The following SCYL2 variants were observed in gnomAD, a reference collection of about 807,000 sequenced individuals.
The protein encoded by SCYL2 is SCY1-like protein 2.
In SCYL2, 36 loss-of-function variants were observed where a neutral mutation model predicts 100.4. That is an observed-to-expected ratio of 0.36 (90% CI 0.27 to 0.47). SCYL2 has a LOEUF of 0.47. Among genes scored for constraint, SCYL2 ranks in the 20% least tolerant of loss-of-function variants. The pLI, the probability that SCYL2 is intolerant of heterozygous loss-of-function variation, is 1.00. For synonymous variants in SCYL2, 330 were observed against 359.2 expected (o/e 0.92, Z 0.92); for missense variants, 902 against 1,083.9 (o/e 0.83, Z 2.36).
At chr12:100,280,998 T>C (rs920588204) in intron 1 of SCYL2, among the ~76,000 whole-genome samples, 3 of 151,092 alleles carry the variant, frequency 2.0e-5, no homozygotes, top group Admixed American at 1.3e-4. Context: ...ATGTGTATTT[T>C]ATTGTCCCTT....
chr12:100,322,372 C>CAAAAAAAAAA (rs34959294), intron 10 of SCYL2, among the ~76,000 whole-genome samples: 2 of 61,822 alleles, frequency 3.2e-5, no homozygotes, highest in Non-Finnish European at 6.5e-5. Flanking sequence ...GACTCCGTCT[C>CAAAAAAAAAA]AAAAAAAAAA....
intron 15 of SCYL2, 39 bp from the exon 16 acceptor site, chr12:100,335,771 TA>T (rs1232061387): frequency 2.5e-6 from 4 of 1,598,306 alleles, no homozygotes; most frequent in Non-Finnish European, 3.4e-6. Flanking sequence ...ATCACATTTT[TA>T]TTGAACTTAT....
At chr12:100,318,306 G>C (rs1480555879) in intron 10 of SCYL2, among the ~76,000 whole-genome samples, 1 of 150,916 alleles carries the variant, frequency 6.6e-6, no homozygotes, top group East Asian at 1.9e-4. Flanking sequence ...TTCCGAAGAT[G>C]CATGTGCCTT....
At chr12:100,290,602 AAACT>A (rs1394230900) in intron 2 of SCYL2, among the ~76,000 whole-genome samples, 3 of 152,212 alleles carry the variant, frequency 2.0e-5, no homozygotes, top group Non-Finnish European at 4.4e-5. Flanking sequence ...ATAAAATAGA[AAACT>A]AATTGTCTTG....
chr12:100,313,793 C>T (rs2096345137), intron 7 of SCYL2, among the ~76,000 whole-genome samples: 1 of 151,914 alleles, frequency 6.6e-6, no homozygotes, highest in South Asian at 2.1e-4. Flanking sequence ...TTCAAATAAG[C>T]AGAGTGCTAA....
chr12:100,321,841 G>A (rs964333923), intron 10 of SCYL2, among the ~76,000 whole-genome samples: 1 of 151,954 alleles, frequency 6.6e-6, no homozygotes, highest in African/African-American at 2.4e-5. Flanking sequence ...CCAGGAGTTT[G>A]AGACCTGCCT....
chr12:100,329,033 C>T (rs1431290120), intron 12 of SCYL2, among the ~76,000 whole-genome samples, 168 bp from the exon 13 acceptor site: 1 of 152,120 alleles, frequency 6.6e-6, no homozygotes, highest in African/African-American at 2.4e-5. Context: ...ATGATAAAGG[C>T]TGAAATCATT....
chr12:100,275,623 T>G (rs2096291735), intron 1 of SCYL2, among the ~76,000 whole-genome samples: 1 of 152,244 alleles, frequency 6.6e-6, no homozygotes, highest in African/African-American at 2.4e-5. Flanking sequence ...TTGTGTCATT[T>G]GGGAATAAAT....
intron 1 of SCYL2, among the ~76,000 whole-genome samples, chr12:100,281,751 G>A (rs183163216): frequency 3.3e-5 from 5 of 151,374 alleles, no homozygotes; most frequent in African/African-American, 1.2e-4. Context: ...GGAGAATGGC[G>A]TGAACCCGGG....
intron 10 of SCYL2, 38 bp downstream of exon 10, chr12:100,317,963 T>G: frequency 1.3e-6 from 2 of 1,517,776 alleles, no homozygotes; most frequent in Non-Finnish European, 1.8e-6. Flanking sequence ...ATGATGATTT[T>G]GATTCTTAAA....
intron 7 of SCYL2, 146 bp downstream of exon 7, chr12:100,313,684 C>A: frequency 1.8e-6 from 1 of 561,526 alleles, no homozygotes; most frequent in Non-Finnish European, 3.2e-6. Flanking sequence ...AGATACAGCC[C>A]CAAATAACAT....
At chr12:100,300,627 T>C (rs1223712569) in intron 4 of SCYL2, among the ~76,000 whole-genome samples, 1 of 152,166 alleles carries the variant, frequency 6.6e-6, no homozygotes, top group Admixed American at 6.5e-5. Flanking sequence ...TAACCATCCC[T>C]ACTTTCCCCC....
At position 100,335,645 on chromosome 12, in the gene SCYL2, A is replaced by C. The variant is rs1952265767; in HGVS notation, c.1883A>C (p.Gln628Pro). The change falls in exon 15 of 18, where the codon CAA (glutamine) becomes CCA (proline). Residue 628 changes from glutamine (Q) to proline (P), a missense_variant. Gln to Pro is a moderately conservative substitution (Grantham distance 76, BLOSUM62 -1). Coordinates refer to ENST00000360820, the MANE Select transcript of SCYL2 (RefSeq NM_017988.6). ...EQQKSLDIGNQMNVSEEMKVT... is the reference protein window; with the variant it reads ...EQQKSLDIGNPMNVSEEMKVT... ...TACAGATCTTTGGATATAGGAAATC[A>C]AATGAATGTTTCTGAGGAGATGAAA... 1 of 1,608,190 alleles carries C rather than the reference A, an allele frequency of 6.2e-7. No homozygotes were observed. Among genetic ancestry groups the C allele is most frequent in the Admixed American group, 1.7e-5 (1 of 59,624 alleles).
At position 100,329,341 on chromosome 12, in the gene SCYL2, A is replaced by C. The variant is rs1952179812; in HGVS notation, c.1761+22A>C. The C allele has an allele frequency of 1.2e-5, 13 of 1,101,282 alleles. No individual in the cohort carries two copies. In the East Asian group the frequency reaches 3.1e-4, roughly 26 times the overall value. 68.2% of individuals were successfully genotyped at this position (1,101,282 alleles called of 1,614,324 possible). On this transcript the variant is annotated intron_variant, in intron 13 of 17. Coordinates refer to ENST00000360820, the MANE Select transcript of SCYL2 (RefSeq NM_017988.6). The stretch of plus-strand genomic sequence containing the variant: ...TCAGGTAGGAGTATTTTTGTGCTTT[A>C]TTCATTTTATTCAGCTTACTTTTTT...
At chr12:100,308,948 C>T (rs1462004162) in intron 4 of SCYL2, among the ~76,000 whole-genome samples, 2 of 152,176 alleles carry the variant, frequency 1.3e-5, no homozygotes, top group Non-Finnish European at 2.9e-5. Context: ...TGTCTCTATG[C>T]TGTACATCCC....
intron 4 of SCYL2, among the ~76,000 whole-genome samples, chr12:100,305,003 G>GC (rs1357369451): frequency 6.6e-6 from 1 of 152,082 alleles, no homozygotes; most frequent in Non-Finnish European, 1.5e-5. Flanking sequence ...GATACATAAA[G>GC]CAAGTCCTTA....
Position 100,339,464 on chromosome 12 carries a change from A to T in SCYL2, c.*292A>T. On this transcript the variant is annotated 3_prime_UTR_variant, in exon 18 of 18. Transcript: ENST00000360820. ...AAACTGAGTTATCTTGAATAACATA[A>T]CTTTTTAATCAAATGTTTATTTTGG... is the stretch of plus-strand genomic sequence containing the variant. 3.0e-6 allele frequency: 1 copy of T among 336,854 alleles called. No homozygotes were observed. Among genetic ancestry groups the T allele is most frequent in the Non-Finnish European group, 5.4e-6 (1 of 184,722 alleles). 20.9% of individuals were successfully genotyped at this position (336,854 alleles called of 1,614,324 possible).
At chr12:100,324,657 A>G (rs2096359771) in intron 11 of SCYL2, among the ~76,000 whole-genome samples, 1 of 152,238 alleles carries the variant, frequency 6.6e-6, no homozygotes, top group Non-Finnish European at 1.5e-5. Context: ...ACAAACAAGT[A>G]TGAAATGAAA....
At position 100,298,070 on chromosome 12, in the gene SCYL2, T is replaced by C; in HGVS notation, c.375T>C (p.Ser125=). The C allele has an allele frequency of 6.2e-7, 1 of 1,611,950 alleles. No individual in the cohort carries two copies. Among genetic ancestry groups the C allele is most frequent in the East Asian group, 2.2e-5 (1 of 44,676 alleles). The change falls in exon 4 of 18, where the codon AGT becomes AGC. Residue 125 remains serine (S), a synonymous_variant. Coordinates refer to ENST00000360820, the MANE Select transcript of SCYL2 (RefSeq NM_017988.6). Reference sequence around the variant, plus strand: ...TTTGTACAGAACCAGTTTTTGCCAGTTTAGCCAATGTTCTTGGTAACTGGG... The same window carrying C: ...TTTGTACAGAACCAGTTTTTGCCAGCTTAGCCAATGTTCTTGGTAACTGGG... The part of the protein sequence containing the change: ...LAFCTEPVFA[S]LANVLGNWEN...
Sources: allele counts gnomAD v4.1 joint callset (sites outside exome capture counted in the v4.1 genomes callset), GRCh38; gene constraint gnomAD v4.1.1; transcripts MANE v1.5; gene names NCBI Gene and HGNC (gene_info 2026-07-23, HGNC 2026-07-21).